The following FSD2 variants were observed in gnomAD, a reference collection of about 807,000 sequenced individuals.
FSD2 encodes the protein fibronectin type III and SPRY domain-containing protein 2.
A neutral mutation model predicts 80.4 loss-of-function variants in FSD2; 71 were observed. The observed-to-expected ratio is 0.88, with a 90% CI of 0.73 to 1.08. The LOEUF (loss-of-function observed/expected upper bound fraction) is 1.08. Among genes scored for constraint, FSD2 ranks in the 50% least tolerant of loss-of-function variants. FSD2 has a pLI of 0.00. For missense variants in FSD2, 923 were observed against 913.8 expected, an observed-to-expected ratio of 1.01 and a Z score of -0.13; for synonymous variants, 361 against 329.5, an observed-to-expected ratio of 1.10 and a Z score of -1.03.
chr15:82,760,368 T>C (rs1032194761), intron 12 of FSD2, among the ~76,000 whole-genome samples: 1 of 152,156 alleles, frequency 6.6e-6, no homozygotes, highest in Non-Finnish European at 1.5e-5. Context: ...ACTATATCAC[T>C]ATCCATGCTC....
chr15:82,782,170 C>T (rs559493523), intron 4 of FSD2, among the ~76,000 whole-genome samples: 77 of 150,006 alleles, frequency 5.1e-4, no homozygotes, highest in Non-Finnish European at 7.4e-4. Flanking sequence ...CCAAGGTGGG[C>T]GGATCACGAG....
At chr15:82,795,161 A>G (rs955811682) in intron 1 of FSD2, among the ~76,000 whole-genome samples, 4 of 151,878 alleles carry the variant, frequency 2.6e-5, no homozygotes, top group Admixed American at 2.0e-4. Flanking sequence ...ATCTTTTTCT[A>G]TCCTTTTAGT....
chr15:82,799,251 G>A (rs1428144410), intron 1 of FSD2, among the ~76,000 whole-genome samples: 1 of 152,008 alleles, frequency 6.6e-6, no homozygotes, highest in Non-Finnish European at 1.5e-5. Context: ...ACCCTGTCTG[G>A]TGCTCTCCTG....
intron 9 of FSD2, among the ~76,000 whole-genome samples, chr15:82,768,450 C>G (rs1024760149): frequency 2.0e-5 from 3 of 152,236 alleles, no homozygotes; most frequent in African/African-American, 7.2e-5. Flanking sequence ...CTTCCTAGCA[C>G]TGTATATTTT....
Position 82,787,096 on chromosome 15 carries a change from C to A in FSD2, c.295G>T (p.Gly99Trp), listed in dbSNP as rs759703177. The part of the protein sequence containing the change: ...EFVDENIPRT[G>W]VSEYPPYMMK... ...ATATAAGGAGGATATTCTGAAACCC[C>A]TGTTCTGGGTATGTTTTCATCAACA... The change falls in exon 2 of 13, where the codon GGG becomes TGG. Residue 99 changes from glycine (G) to tryptophan (W), a missense_variant. Gly to Trp is a radical substitution (Grantham distance 184, BLOSUM62 -2). Coordinates refer to ENST00000334574, the MANE Select transcript of FSD2 (RefSeq NM_001007122.4). 2 of 1,613,866 alleles carry A rather than the reference C, an allele frequency of 1.2e-6. No homozygotes were observed. The highest frequency in any genetic ancestry group is 1.3e-5 in the African/African-American group (1 of 74,932).
chr15:82,793,514 C>T (rs924621058), intron 1 of FSD2, among the ~76,000 whole-genome samples: 26 of 152,104 alleles, frequency 1.7e-4, no homozygotes, highest in African/African-American at 6.0e-4. Flanking sequence ...TCCATGACTA[C>T]CAATCACACA....
chr15:82,768,173 T>C (rs933643702), intron 9 of FSD2, among the ~76,000 whole-genome samples: 3 of 152,344 alleles, frequency 2.0e-5, no homozygotes, highest in South Asian at 2.1e-4. Context: ...CTTTGTACAT[T>C]CAGCTGCAAT....
intron 9 of FSD2, 105 bp from the exon 10 acceptor site, chr15:82,766,136 C>CT: frequency 7.8e-7 from 1 of 1,288,372 alleles, no homozygotes; most frequent in Non-Finnish European, 1.0e-6. Context: ...TCTTGCGCTC[C>CT]TGTCCTCTGA....
chr15:82,773,750 TA>T (rs996323090), intron 6 of FSD2, among the ~76,000 whole-genome samples: 14 of 151,416 alleles, frequency 9.2e-5, no homozygotes, highest in African/African-American at 2.4e-4. Context: ...TTTACAATGG[TA>T]AAAAAAAATT....
chr15:82,797,344 A>C (rs2050300516), intron 1 of FSD2, among the ~76,000 whole-genome samples: 1 of 152,252 alleles, frequency 6.6e-6, no homozygotes, highest in African/African-American at 2.4e-5. Flanking sequence ...TTACGTAGCT[A>C]AGCAAGGTTG....
chr15:82,782,224 T>A (rs2049882057), intron 4 of FSD2, among the ~76,000 whole-genome samples: 1 of 147,992 alleles, frequency 6.8e-6, no homozygotes, highest in Non-Finnish European at 1.5e-5. Context: ...TGAAACCCCG[T>A]CTCTACTAAA....
intron 1 of FSD2, among the ~76,000 whole-genome samples, chr15:82,787,933 C>T (rs2050043400): frequency 6.6e-6 from 1 of 152,000 alleles, no homozygotes; most frequent in South Asian, 2.1e-4. Flanking sequence ...GTATGTGCCA[C>T]CACACCCAGC....
intron 9 of FSD2, among the ~76,000 whole-genome samples, chr15:82,766,805 T>C (rs2049434824): frequency 1.3e-5 from 2 of 151,796 alleles, no homozygotes; most frequent in Admixed American, 6.6e-5. Flanking sequence ...GAGCTGAAAG[T>C]GTTAACTGCT....
chr15:82,788,930 G>A (rs1293392368), intron 1 of FSD2, among the ~76,000 whole-genome samples: 3 of 151,152 alleles, frequency 2.0e-5, no homozygotes, highest in Middle Eastern at 3.2e-3. Context: ...AGTGAGCCAT[G>A]ATTGCGCCAG....
intron 3 of FSD2, among the ~76,000 whole-genome samples, chr15:82,785,429 A>G (rs1464328761): frequency 6.6e-6 from 1 of 151,648 alleles, no homozygotes; most frequent in Non-Finnish European, 1.5e-5. Flanking sequence ...GGTTCCAGCA[A>G]TTCTCCTGCC....
chr15:82,761,343 C>T (rs1236384725), intron 12 of FSD2, among the ~76,000 whole-genome samples: 3 of 152,220 alleles, frequency 2.0e-5, no homozygotes, highest in South Asian at 2.1e-4. Flanking sequence ...GCCTGGGCTT[C>T]GTGAGACTTT....
chr15:82,770,082 G>A (rs1358387869), intron 7 of FSD2, among the ~76,000 whole-genome samples, 198 bp from the exon 8 acceptor site: 1 of 152,096 alleles, frequency 6.6e-6, no homozygotes, highest in Non-Finnish European at 1.5e-5. Context: ...TTGAAACTGG[G>A]CTTAGCTATG....
At chr15:82,795,567 C>T (rs1293054599) in intron 1 of FSD2, among the ~76,000 whole-genome samples, 5 of 152,150 alleles carry the variant, frequency 3.3e-5, no homozygotes, top group South Asian at 4.1e-4. Context: ...CAGTGGCTCA[C>T]GCCTGTAAAC....
intron 1 of FSD2, among the ~76,000 whole-genome samples, chr15:82,798,244 C>A (rs1470472798): frequency 6.6e-6 from 1 of 152,072 alleles, no homozygotes; most frequent in Non-Finnish European, 1.5e-5. Context: ...ACTCGGGATG[C>A]TAAGGTGGGA....
Sources: allele counts gnomAD v4.1 joint callset (sites outside exome capture counted in the v4.1 genomes callset), GRCh38; gene constraint gnomAD v4.1.1; transcripts MANE v1.5; gene names NCBI Gene and HGNC (gene_info 2026-07-23, HGNC 2026-07-21).